LYRM4: variants seen among roughly 807,000 people sequenced by gnomAD.
The protein encoded by LYRM4 is LYR motif containing 4.
LYRM4 carries 9 observed loss-of-function variants against 11.7 expected under a neutral mutation model. That is an observed-to-expected ratio of 0.77 (90% CI 0.46 to 1.34). The LOEUF is 1.34. Among genes scored for constraint, LYRM4 ranks in the 40% most tolerant of loss-of-function variants. LYRM4 has a pLI of 0.00. For missense variants in LYRM4, 133 were observed against 112.5 expected (o/e 1.18, Z -0.82); for synonymous variants, 42 against 40.4 (o/e 1.04, Z -0.15).
chr6:5,032,401 T>TAAATATGTTATTTA, the LYRM4 span: 9 of 152,246 alleles, frequency 5.9e-5, no homozygotes, highest in Non-Finnish European at 1.2e-4. Flanking sequence ...TTCATTGAGG[T>TAAATATGTTATTTA]ATAATAACAT....
intron 2 of LYRM4, among the ~76,000 whole-genome samples, chr6:5,214,868 AGGT>A (rs1762182592): frequency 6.6e-6 from 1 of 152,158 alleles, no homozygotes; most frequent in Non-Finnish European, 1.5e-5. Flanking sequence ...TTCATCCCTG[AGGT>A]GGTGACAGCA....
chr6:5,093,477 C>T, the LYRM4 span, among the ~76,000 whole-genome samples: 4 of 152,242 alleles, frequency 2.6e-5, no homozygotes, highest in Middle Eastern at 3.2e-3. Context: ...CAGAAGTGCC[C>T]GGATGGCTGC....
the LYRM4 span, chr6:5,086,037 G>A: frequency 7.4e-6 from 11 of 1,489,034 alleles, no homozygotes; most frequent in South Asian, 8.8e-5. Context: ...TGGCCGCGGC[G>A]GCAGTGGCCG....
At chr6:5,070,731 C>T in the LYRM4 span, among the ~76,000 whole-genome samples, 1 of 151,698 alleles carries the variant, frequency 6.6e-6, no homozygotes, top group African/African-American at 2.4e-5. Flanking sequence ...AAAGAAATTA[C>T]CTGGGCATGG....
the LYRM4 span, chr6:5,087,911 A>T: frequency 1.3e-5 from 2 of 152,138 alleles, no homozygotes; most frequent in Non-Finnish European, 2.9e-5. Context: ...TTTCCAGCAC[A>T]TGGCGAGTAC....
At chr6:5,035,441 C>A in the LYRM4 span, among the ~76,000 whole-genome samples, 33 of 151,446 alleles carry the variant, frequency 2.2e-4, no homozygotes, top group African/African-American at 6.8e-4. Context: ...GCCCTGCACA[C>A]ACCTCTGGCT....
At chr6:5,116,305 C>T (rs1763116293) in intron 2 of LYRM4, among the ~76,000 whole-genome samples, 1 of 152,122 alleles carries the variant, frequency 6.6e-6, no homozygotes, top group African/African-American at 2.4e-5. Flanking sequence ...GGGTTTAAGG[C>T]TAGAATCCGG....
intron 1 of LYRM4, among the ~76,000 whole-genome samples, chr6:5,223,366 A>G (rs962230028): frequency 2.0e-5 from 3 of 152,158 alleles, no homozygotes; most frequent in African/African-American, 7.2e-5. Flanking sequence ...AATCCTCACA[A>G]ACTACAACTC....
Position 5,161,186 on chromosome 6 carries a change from A to C in LYRM4, c.208-51695T>G, listed in dbSNP as rs74294875. On this transcript the variant is annotated intron_variant, in intron 2 of 2. Coordinates refer to ENST00000330636, the MANE Select transcript of LYRM4 (RefSeq NM_020408.6). ...TTTAGATTTTTAAAATTAAATAACA[A>C]TATTCTGAACTAGTGAATGAAAAAC... Among the ~76,000 whole-genome samples, 32 of 152,346 alleles carry C rather than the reference A, an allele frequency of 2.1e-4. 1 individual carries two copies. The East Asian group carries it at 6.0e-3, about 28-fold the overall frequency.
chr6:5,141,206 T>G (rs893643467), intron 2 of LYRM4, among the ~76,000 whole-genome samples: 5 of 152,200 alleles, frequency 3.3e-5, no homozygotes, highest in African/African-American at 1.2e-4. Flanking sequence ...GTGGTATGTC[T>G]CAGGGTCCTC....
At chr6:5,088,660 G>C in the LYRM4 span, 1 of 152,194 alleles carries the variant, frequency 6.6e-6, no homozygotes, top group Admixed American at 6.5e-5. Context: ...TAGGGAAGTA[G>C]TGTTTTTTAA....
chr6:5,047,621 G>T, the LYRM4 span, among the ~76,000 whole-genome samples: 1 of 152,126 alleles, frequency 6.6e-6, no homozygotes, highest in East Asian at 1.9e-4. Flanking sequence ...CCATATCTTA[G>T]ATCTAAACTC....
the LYRM4 span, chr6:5,085,360 G>C: frequency 2.9e-6 from 2 of 678,644 alleles, no homozygotes; most frequent in South Asian, 2.0e-5. Context: ...GTCGAGCCTG[G>C]GGCGACTCGC....
the LYRM4 span, among the ~76,000 whole-genome samples, chr6:5,070,480 T>C: frequency 1.1e-3 from 173 of 152,350 alleles, 7 homozygotes; most frequent in East Asian, 0.029. Context: ...TTCTAATTTT[T>C]CCATAGTAAA....
chr6:5,060,339 GA>G, the LYRM4 span, among the ~76,000 whole-genome samples: 372 of 152,208 alleles, frequency 2.4e-3, 4 homozygotes, highest in African/African-American at 8.3e-3. Flanking sequence ...TTTTTGCCAT[GA>G]AAAAATGTTG....
the LYRM4 span, among the ~76,000 whole-genome samples, chr6:5,070,055 A>G: frequency 1.3e-5 from 2 of 152,254 alleles, no homozygotes; most frequent in Non-Finnish European, 2.9e-5. Context: ...CAATGTTCAT[A>G]ATGGAGCAAC....
In LYRM4 at chr6:5,108,683, A is replaced by C; in HGVS notation, c.*740T>G. ...CCCAGCATGCCCCAGGCTTCAGGGTATGGGAGTCGCCCTGGGCTTGGGTCA... is the reference window on the plus strand; with the variant it reads ...CCCAGCATGCCCCAGGCTTCAGGGTCTGGGAGTCGCCCTGGGCTTGGGTCA... On this transcript the variant is annotated 3_prime_UTR_variant, in exon 3 of 3. Coordinates refer to ENST00000330636, the MANE Select transcript of LYRM4 (RefSeq NM_020408.6). The C allele has an allele frequency of 1.4e-6, 1 of 703,814 alleles. No individual in the cohort carries two copies. The highest frequency in any genetic ancestry group is 1.7e-6 in the Non-Finnish European group (1 of 572,666). The allele number at this position is 703,814 out of a possible 1,614,324, so 43.6% of individuals were successfully genotyped here.
chr6:5,130,414 AACAGGGAG>A (rs1355347893), intron 2 of LYRM4, among the ~76,000 whole-genome samples: 1 of 152,224 alleles, frequency 6.6e-6, no homozygotes, highest in Non-Finnish European at 1.5e-5. Context: ...GGGACCTGGG[AACAGGGAG>A]ACTGGCAGCT....
chr6:5,184,866 T>C (rs2127682937), intron 2 of LYRM4, among the ~76,000 whole-genome samples: 2 of 152,308 alleles, frequency 1.3e-5, no homozygotes, highest in South Asian at 4.1e-4. Flanking sequence ...GAGGGAGCAG[T>C]GGAAGAACAT....
Sources: allele counts gnomAD v4.1 joint callset (sites outside exome capture counted in the v4.1 genomes callset), GRCh38; gene constraint gnomAD v4.1.1; transcripts MANE v1.5; gene names NCBI Gene and HGNC (gene_info 2026-07-23, HGNC 2026-07-21).